Variants in HIRA observed in about 807,000 individuals in gnomAD.
HIRA encodes histone cell cycle regulator.
Under a neutral mutation model 126.6 loss-of-function variants are expected in HIRA, and 13 were observed. That is an observed-to-expected ratio of 0.10 (90% CI 0.07 to 0.16). HIRA has a LOEUF of 0.16. Ranked by LOEUF, HIRA falls within the 10% of genes least tolerant of loss-of-function variation. The pLI is 1.00. For synonymous variants in HIRA, 511 were observed against 520.0 expected, an observed-to-expected ratio of 0.98 and a Z score of 0.24; for missense variants, 834 against 1,314.4, an observed-to-expected ratio of 0.63 and a Z score of 5.65.
At position 19,414,885 on chromosome 22, in the gene HIRA, A is replaced by C. The variant is rs181065705; in HGVS notation, c.38-4107T>G. On this transcript the variant is annotated intron_variant, in intron 1 of 24. Coordinates refer to ENST00000263208, the MANE Select transcript of HIRA (RefSeq NM_003325.4). ...CTGGGTGACAGAGTGAGACTGTCTC[A>C]AGAAACAAAACAAAACAAAAAATAT... is the stretch of plus-strand genomic sequence containing the variant. Among the ~76,000 whole-genome samples, 446 of 152,202 alleles carry C rather than the reference A, an allele frequency of 2.9e-3. 1 individual carries two copies. Among genetic ancestry groups the C allele is most frequent in the Admixed American group, 6.9e-3 (105 of 15,298 alleles).
chr22:19,336,540 T>A (rs116475039), intron 24 of HIRA, among the ~76,000 whole-genome samples: 10 of 152,308 alleles, frequency 6.6e-5, no homozygotes, highest in African/African-American at 2.4e-4. Context: ...TGGTCCTGAG[T>A]GTGTCCACAT....
rs894297222 is a variant in HIRA, at chr22:19,341,844, A to G, written c.2937+9514T>C. The stretch of plus-strand genomic sequence containing the variant: ...TAAATCTACGATCTGAAACCACAAC[A>G]ATTCTAGAAGATAACATCGGAAAAA... On this transcript the variant is annotated intron_variant, in intron 24 of 24. Coordinates refer to ENST00000263208, the MANE Select transcript of HIRA (RefSeq NM_003325.4). Among the ~76,000 whole-genome samples, 3 of 152,352 alleles carry G rather than the reference A, an allele frequency of 2.0e-5. No homozygotes were observed. In the East Asian group the frequency reaches 5.8e-4, roughly 29 times the overall value.
intron 15 of HIRA, among the ~76,000 whole-genome samples, chr22:19,371,309 A>G (rs1453857603): frequency 6.6e-6 from 1 of 152,090 alleles, no homozygotes; most frequent in African/African-American, 2.4e-5. Flanking sequence ...ACTCTGGCCA[A>G]TTTTGTAGAC....
At chr22:19,337,646 C>T (rs1455116433) in intron 24 of HIRA, among the ~76,000 whole-genome samples, 8 of 152,078 alleles carry the variant, frequency 5.3e-5, no homozygotes, top group Admixed American at 2.0e-4. Flanking sequence ...CATCCAAATA[C>T]AAGAAGCTCA....
At chr22:19,409,902 C>A (rs995578887) in intron 2 of HIRA, among the ~76,000 whole-genome samples, 1 of 150,738 alleles carries the variant, frequency 6.6e-6, no homozygotes, top group Non-Finnish European at 1.5e-5. Context: ...GCTTCCCTGC[C>A]CACAGCTTCC....
chr22:19,395,042 C>T (rs536614140), intron 7 of HIRA, among the ~76,000 whole-genome samples: 1 of 152,308 alleles, frequency 6.6e-6, no homozygotes, highest in Admixed American at 6.5e-5. Context: ...AGGATACCCG[C>T]AAGGGAGAAG....
intron 6 of HIRA, 59 bp downstream of exon 6, chr22:19,397,933 G>T: frequency 1.5e-6 from 2 of 1,301,174 alleles, no homozygotes; most frequent in Non-Finnish European, 2.2e-6. Flanking sequence ...CCCAACCCCT[G>T]CTCCAGAAAC....
intron 14 of HIRA, among the ~76,000 whole-genome samples, chr22:19,377,604 T>C (rs1341007552): frequency 6.6e-6 from 1 of 152,072 alleles, no homozygotes; most frequent in Non-Finnish European, 1.5e-5. Flanking sequence ...CACGTAGCAT[T>C]TCACTGGTAG....
At chr22:19,360,841 A>C (rs899628121) in intron 17 of HIRA, among the ~76,000 whole-genome samples, 1 of 152,240 alleles carries the variant, frequency 6.6e-6, no homozygotes, top group African/African-American at 2.4e-5. Context: ...AGACAAAGCT[A>C]GCAGGATGGT....
intron 15 of HIRA, among the ~76,000 whole-genome samples, chr22:19,364,159 A>AT (rs1253896190): frequency 6.6e-6 from 1 of 151,832 alleles, no homozygotes; most frequent in Non-Finnish European, 1.5e-5. Flanking sequence ...AATAAAGTCT[A>AT]TTAAAAAAAA....
Position 19,410,699 on chromosome 22 carries a change from T to C in HIRA, c.100+17A>G, listed in dbSNP as rs752298545. On this transcript the variant is annotated intron_variant, in intron 2 of 24. Coordinates refer to ENST00000263208, the MANE Select transcript of HIRA (RefSeq NM_003325.4). ...CAGGGCTGTTAAGCTTTCCCTTTCT[T>C]TATTCCATAAACATACCTTGTCCTC... 6.2e-7 allele frequency: 1 copy of C among 1,603,802 alleles called. No individual in the cohort carries two copies. The highest frequency in any genetic ancestry group is 1.7e-5 in the Admixed American group (1 of 59,850).
chr22:19,418,988 T>C (rs2089422464), intron 1 of HIRA, among the ~76,000 whole-genome samples: 1 of 152,052 alleles, frequency 6.6e-6, no homozygotes, highest in Admixed American at 6.6e-5. Context: ...TATGTGTGTG[T>C]ACTAATATAT....
At position 19,431,691 on chromosome 22, in the gene HIRA, C is replaced by T; in HGVS notation, c.-215G>A. 2.6e-6 allele frequency: 1 copy of T among 388,178 alleles called. No individual in the cohort carries two copies. The highest frequency in any genetic ancestry group is 4.2e-6 in the Non-Finnish European group (1 of 239,998). 24.0% of individuals were successfully genotyped at this position (388,178 alleles called of 1,614,324 possible). ...CGGCCGCCGCCGCCGCCACCACAGCCGCATCCCCTGCGCCGCTCCTCCTCA... is the reference window on the plus strand; with the variant it reads ...CGGCCGCCGCCGCCGCCACCACAGCTGCATCCCCTGCGCCGCTCCTCCTCA... On this transcript the variant is annotated 5_prime_UTR_variant, in exon 1 of 25. Coordinates refer to ENST00000263208, the MANE Select transcript of HIRA (RefSeq NM_003325.4).
intron 9 of HIRA, among the ~76,000 whole-genome samples, chr22:19,389,315 T>C (rs889479568): frequency 6.6e-6 from 1 of 152,170 alleles, no homozygotes; most frequent in African/African-American, 2.4e-5. Flanking sequence ...ACACTCTGAC[T>C]CCACGTTCCC....
intron 1 of HIRA, among the ~76,000 whole-genome samples, chr22:19,430,499 G>A (rs368991999): frequency 1.1e-4 from 16 of 152,300 alleles, no homozygotes; most frequent in African/African-American, 3.1e-4. Context: ...TAGTCGCACT[G>A]CAAAGTAGAA....
intron 20 of HIRA, among the ~76,000 whole-genome samples, 157 bp downstream of exon 20, chr22:19,356,073 A>C (rs1202931554): frequency 6.6e-6 from 1 of 152,168 alleles, no homozygotes; most frequent in Admixed American, 6.5e-5. Flanking sequence ...ACATGCCCCC[A>C]AAAAGTGTGT....
chr22:19,389,202 C>T (rs2089155052), intron 9 of HIRA, among the ~76,000 whole-genome samples: 1 of 152,116 alleles, frequency 6.6e-6, no homozygotes, highest in Non-Finnish European at 1.5e-5. Flanking sequence ...TTTCATTTAA[C>T]ACACAATAAG....
At chr22:19,339,687 A>C (rs1313814878) in intron 24 of HIRA, among the ~76,000 whole-genome samples, 1 of 152,134 alleles carries the variant, frequency 6.6e-6, no homozygotes, top group Non-Finnish European at 1.5e-5. Context: ...AAAATGAAAG[A>C]TATTACAACT....
At chr22:19,407,453 T>C (rs541759945) in intron 3 of HIRA, among the ~76,000 whole-genome samples, 179 bp from the exon 4 acceptor site, 4 of 152,292 alleles carry the variant, frequency 2.6e-5, no homozygotes, top group East Asian at 1.9e-4. Flanking sequence ...ACTTGTGCTA[T>C]AAAAACAAAT....
Sources: gnomAD v4.1 joint callset for allele counts (sites outside exome capture counted in the v4.1 genomes callset) on GRCh38, gnomAD v4.1.1 for gene constraint, MANE v1.5 for transcripts, NCBI Gene and HGNC (gene_info 2026-07-23, HGNC 2026-07-21) for gene names.